G2E3: variants seen among roughly 807,000 people sequenced by gnomAD.
G2E3 encodes the protein G2/M phase-specific E3 ubiquitin-protein ligase.
A neutral mutation model predicts 92.8 loss-of-function variants in G2E3; 35 were observed. The observed-to-expected ratio is 0.38, with a 90% confidence interval of 0.29 to 0.50. The LOEUF is 0.50. Ranked by LOEUF, G2E3 falls within the 20% of genes least tolerant of loss-of-function variation. G2E3 has a pLI of 0.94. For missense variants in G2E3, 554 were observed against 823.8 expected (o/e 0.67, Z 4.01); for synonymous variants, 242 against 272.4 (o/e 0.89, Z 1.10).
In G2E3 at chr14:30,563,736, T is replaced by TGA. The variant is rs1361731035; in HGVS notation, c.-5+4465_-5+4466insAG. Among the ~76,000 whole-genome samples, 133 of 142,514 alleles carry TGA rather than the reference T, an allele frequency of 9.3e-4. 2 individuals carry two copies. Among genetic ancestry groups the TGA allele is most frequent in the African/African-American group, 3.2e-3 (122 of 38,632 alleles). The allele number at this position is 142,514 out of a possible 152,430, so 93.5% of individuals were successfully genotyped here. A position where few individuals can be genotyped will look rare whatever the true frequency, so the allele number is the denominator to read the frequency against. ...GTGTGTGTGTGTGTGTGTGTGTGTG[T>TGA]GTGATATAGAGTCTCACTCTGTTGC... On this transcript the variant is annotated intron_variant, in intron 1 of 14. Transcript: ENST00000206595.
chr14:30,605,434 G>T, intron 10 of G2E3, 71 bp from the exon 11 acceptor site: 1 of 544,876 alleles, frequency 1.8e-6, no homozygotes. Flanking sequence ...TGTTTTATTG[G>T]CTATATAACT....
intron 1 of G2E3, among the ~76,000 whole-genome samples, chr14:30,569,613 A>G (rs1879638720): frequency 6.6e-6 from 1 of 152,248 alleles, no homozygotes. Context: ...GTAGTAAAAA[A>G]GATGCCACCT....
chr14:30,588,257 A>C (rs1394291425), intron 3 of G2E3, among the ~76,000 whole-genome samples: 3 of 151,902 alleles, frequency 2.0e-5, no homozygotes, highest in African/African-American at 7.3e-5. Flanking sequence ...AAGTAAAAGG[A>C]TTATTTTATT....
chr14:30,615,578 A>T (rs568798770), intron 14 of G2E3, 39 bp downstream of exon 14: 1 of 1,269,082 alleles, frequency 7.9e-7, no homozygotes, highest in Non-Finnish European at 1.1e-6. Flanking sequence ...CGATCTCAGA[A>T]TATTTGTTTC....
chr14:30,563,782 G>GGATCTT (rs904575269), intron 1 of G2E3, among the ~76,000 whole-genome samples: 6 of 150,140 alleles, frequency 4.0e-5, no homozygotes, highest in African/African-American at 1.5e-4. Flanking sequence ...TGCAATGGTG[G>GGATCTT]GATCTTGACT....
intron 6 of G2E3, among the ~76,000 whole-genome samples, chr14:30,595,433 G>T (rs906055659): frequency 1.3e-5 from 2 of 152,148 alleles, no homozygotes; most frequent in Admixed American, 1.3e-4. Flanking sequence ...ATTAAGCAAA[G>T]AAAGGTTCTC....
chr14:30,614,754 A>C (rs1882238035), intron 13 of G2E3, among the ~76,000 whole-genome samples: 1 of 152,256 alleles, frequency 6.6e-6, no homozygotes. Context: ...CTTATTAATG[A>C]AAATGTGCAT....
At chr14:30,564,800 AT>A (rs1388143459) in intron 1 of G2E3, among the ~76,000 whole-genome samples, 1 of 152,174 alleles carries the variant, frequency 6.6e-6, no homozygotes, top group Non-Finnish European at 1.5e-5. Context: ...TCAGTACTTT[AT>A]TCCTTTTTAT....
At position 30,618,819 on chromosome 14, in the gene G2E3, GTTC is replaced by G. The variant is rs937693795; in HGVS notation, c.*2288_*2290del. 6.6e-6 allele frequency: 1 copy of G among 151,908 alleles called. No homozygotes were observed. The allele number at this position is 151,908 out of a possible 1,614,324, so 9.4% of individuals were successfully genotyped here. On this transcript the variant is annotated 3_prime_UTR_variant, in exon 15 of 15. Coordinates refer to ENST00000206595, the MANE Select transcript of G2E3 (RefSeq NM_017769.5). ...TTGTCAAATGGTTGGTATTATAATTGTTCTTTTCTTATTAATTTTATAACCAGT... is the reference window on the plus strand; with the variant it reads ...TTGTCAAATGGTTGGTATTATAATTGTTTTCTTATTAATTTTATAACCAGT...
Position 30,615,435 on chromosome 14 carries a change from C to G in G2E3, c.1760C>G (p.Pro587Arg). 1 of 1,610,426 alleles carries G rather than the reference C, an allele frequency of 6.2e-7. No individual in the cohort carries two copies. Among genetic ancestry groups the G allele is most frequent in the Non-Finnish European group, 8.5e-7 (1 of 1,176,946 alleles). The change falls in exon 14 of 15, where the codon CCT becomes CGT. Residue 587 changes from proline to arginine, a missense_variant. By Grantham distance (103) the Pro-to-Arg change is moderately radical. Coordinates refer to ENST00000206595, the MANE Select transcript of G2E3 (RefSeq NM_017769.5). ...TTTTGTAGCATCCTGTGTCATAAAC[C>G]TGAGAGTCTTTCTGCAAAAATCCTT... Reference protein sequence around the residue: ...EAFCSILCHKPESLSAKILSE... With the variant: ...EAFCSILCHKRESLSAKILSE...
chr14:30,568,677 T>C (rs779876282), intron 1 of G2E3, among the ~76,000 whole-genome samples: 4 of 152,182 alleles, frequency 2.6e-5, no homozygotes, highest in African/African-American at 4.8e-5. Flanking sequence ...ATTACACTTC[T>C]GTATATCTCA....
intron 1 of G2E3, among the ~76,000 whole-genome samples, chr14:30,561,092 C>G (rs1221047193): frequency 6.6e-6 from 1 of 152,154 alleles, no homozygotes; most frequent in African/African-American, 2.4e-5. Flanking sequence ...ATACAAAGAC[C>G]TTAAAATAGT....
At chr14:30,583,047 C>T (rs1880518700) in intron 2 of G2E3, among the ~76,000 whole-genome samples, 1 of 152,092 alleles carries the variant, frequency 6.6e-6, no homozygotes, top group Non-Finnish European at 1.5e-5. Flanking sequence ...AAGTTTATTG[C>T]TTGGTCAGGT....
chr14:30,566,161 T>TG (rs1438240280), intron 1 of G2E3, among the ~76,000 whole-genome samples: 1 of 152,214 alleles, frequency 6.6e-6, no homozygotes, highest in Non-Finnish European at 1.5e-5. Context: ...TTGATTACAG[T>TG]GGATTTGTAG....
At position 30,588,905 on chromosome 14, in the gene G2E3, A is replaced by G. The variant is rs1452953225; in HGVS notation, c.136-478A>G. Among the ~76,000 whole-genome samples, 3 of 152,310 alleles carry G rather than the reference A, an allele frequency of 2.0e-5. No homozygotes were observed. The South Asian group carries it at 6.2e-4, about 32-fold the overall frequency. Reference sequence around the variant, plus strand: ...TTTCTAAAATCAAACATTTATGTTAACTAGGGTTCAATAGGTTTTCTTGTA... The same window carrying G: ...TTTCTAAAATCAAACATTTATGTTAGCTAGGGTTCAATAGGTTTTCTTGTA... On this transcript the variant is annotated intron_variant, in intron 3 of 14. Coordinates refer to ENST00000206595, the MANE Select transcript of G2E3 (RefSeq NM_017769.5).
At chr14:30,606,542 G>GA in intron 11 of G2E3, among the ~76,000 whole-genome samples, 1 of 152,112 alleles carries the variant, frequency 6.6e-6, no homozygotes, top group East Asian at 1.9e-4. Context: ...TAAAAATAAA[G>GA]AAAAAACTTT....
rs781631119 is a variant in G2E3 at position 30,612,229 on chromosome 14, C to G, written c.1523C>G (p.Ala508Gly). 1 of 1,610,492 alleles carries G rather than the reference C, an allele frequency of 6.2e-7. No individual in the cohort carries two copies. Among genetic ancestry groups the G allele is most frequent in the Non-Finnish European group, 8.5e-7 (1 of 1,177,454 alleles). ...IIRINTATTV[A>G]DLKSIINECY... ...CAGATAAATACTGCAACAACTGTAGCTGACTTAAAGTCAATAATAAATGAA... is the reference window on the plus strand; with the variant it reads ...CAGATAAATACTGCAACAACTGTAGGTGACTTAAAGTCAATAATAAATGAA... Residue 508 changes from alanine (A) to glycine (G), a missense_variant, in exon 13 of 15, where the codon GCT becomes GGT. This residue lies in a region of G2E3 where 397 missense variants were observed against 560.3 expected (regional missense o/e 0.71). Coordinates refer to ENST00000206595, the MANE Select transcript of G2E3 (RefSeq NM_017769.5).
At chr14:30,561,621 C>A (rs972152620) in intron 1 of G2E3, among the ~76,000 whole-genome samples, 1 of 152,040 alleles carries the variant, frequency 6.6e-6, no homozygotes, top group East Asian at 1.9e-4. Flanking sequence ...TTTTTATTTC[C>A]CCTTAAGATT....
chr14:30,573,536 T>A (rs1181081179), intron 1 of G2E3: 1 of 152,004 alleles, frequency 6.6e-6, no homozygotes, highest in Non-Finnish European at 1.5e-5. Context: ...AGTCCCATTA[T>A]CTGTTTGCAA....
Sources: gnomAD v4.1 joint callset for allele counts (sites outside exome capture counted in the v4.1 genomes callset) on GRCh38, gnomAD v4.1.1 for gene constraint, gnomAD v4.1.1 regional missense constraint, MANE v1.5 for transcripts, NCBI Gene and HGNC (gene_info 2026-07-23, HGNC 2026-07-21) for gene names.